The following CTNNA3 variants were observed in gnomAD, a reference collection of about 807,000 sequenced individuals.
CTNNA3 encodes the protein catenin alpha 3.
A neutral mutation model predicts 95.7 loss-of-function variants in CTNNA3; 76 were observed. That is an observed-to-expected ratio of 0.79 (90% CI 0.66 to 0.96). The LOEUF is 0.96. Ranked by LOEUF, CTNNA3 falls within the 40% of genes least tolerant of loss-of-function variation. The pLI is 0.00. For missense variants in CTNNA3, 1,191 were observed against 1,089.8 expected (o/e 1.09, Z -1.31); for synonymous variants, 431 against 374.4 (o/e 1.15, Z -1.74).
intron 9 of CTNNA3, among the ~76,000 whole-genome samples, chr10:66,628,312 G>A (rs1845010158): frequency 6.6e-6 from 1 of 151,996 alleles, no homozygotes; most frequent in African/African-American, 2.4e-5. Flanking sequence ...GTTGGAAGCT[G>A]TGTCCTTTCT....
intron 7 of CTNNA3, among the ~76,000 whole-genome samples, chr10:66,992,339 C>A (rs1851086792): frequency 6.6e-6 from 1 of 151,822 alleles, no homozygotes; most frequent in African/African-American, 2.4e-5. Flanking sequence ...TGTTTATATC[C>A]TTTGCCTATT....
chr10:66,667,912 G>A (rs1394447270), intron 9 of CTNNA3, among the ~76,000 whole-genome samples: 2 of 152,124 alleles, frequency 1.3e-5, no homozygotes, highest in South Asian at 4.2e-4. Context: ...TCCCAGGGTT[G>A]AAGCATATAC....
intron 12 of CTNNA3, among the ~76,000 whole-genome samples, chr10:66,316,474 C>T (rs540300526): frequency 3.9e-5 from 6 of 151,984 alleles, no homozygotes; most frequent in Middle Eastern, 3.4e-3. Context: ...AGCCTATCCC[C>T]GAAACTCAGT....
At position 66,415,502 on chromosome 10, in the gene CTNNA3, C is replaced by G. The variant is rs142642125; in HGVS notation, c.1532-36150G>C. 4.9e-3 allele frequency among the ~76,000 whole-genome samples: 744 copies of G among 152,270 alleles called. 6 individuals are homozygous for G. The highest frequency in any genetic ancestry group is 0.012 in the African/African-American group (495 of 41,554). ...CCCATGGACCCAAGAACCCACTTAC[C>G]TGCTCAGTTCACAGCTGCCACTACT... On this transcript the variant is annotated intron_variant, in intron 11 of 17. Transcript: ENST00000433211.
intron 1 of CTNNA3, among the ~76,000 whole-genome samples, chr10:67,666,359 T>C (rs1271265344): frequency 2.0e-5 from 3 of 152,188 alleles, no homozygotes; most frequent in African/African-American, 7.2e-5. Flanking sequence ...CCCTACTGCA[T>C]TCCTTCCCTA....
chr10:66,805,036 T>G (rs1841585644), intron 7 of CTNNA3, among the ~76,000 whole-genome samples: 1 of 152,210 alleles, frequency 6.6e-6, no homozygotes. Context: ...GATTACATGA[T>G]TAGCTCCCAA....
intron 5 of CTNNA3, among the ~76,000 whole-genome samples, chr10:67,278,677 C>T (rs1839281678): frequency 6.6e-6 from 1 of 152,062 alleles, no homozygotes; most frequent in African/African-American, 2.4e-5. Context: ...TTGACTGCCT[C>T]CTGGATCTAG....
At chr10:66,570,596 T>C (rs991036323) in intron 10 of CTNNA3, among the ~76,000 whole-genome samples, 5 of 151,912 alleles carry the variant, frequency 3.3e-5, no homozygotes, top group Admixed American at 1.3e-4. Context: ...CGACAAAATA[T>C]GAATTTTTAA....
chr10:66,192,230 CG>C (rs1345582410), intron 13 of CTNNA3, among the ~76,000 whole-genome samples: 2 of 152,004 alleles, frequency 1.3e-5, no homozygotes, highest in African/African-American at 4.8e-5. Context: ...CACACTCCCC[CG>C]CCAGCAGAAC....
At chr10:66,518,866 A>C (rs1564507132) in intron 11 of CTNNA3, among the ~76,000 whole-genome samples, 1 of 151,998 alleles carries the variant, frequency 6.6e-6, no homozygotes, top group Non-Finnish European at 1.5e-5. Context: ...ATTCTATAAA[A>C]ATAAAGTAGT....
chr10:67,590,704 G>A (rs760792407), intron 3 of CTNNA3, among the ~76,000 whole-genome samples: 10 of 151,716 alleles, frequency 6.6e-5, no homozygotes, highest in South Asian at 2.1e-4. Context: ...AATTCTTTTC[G>A]GGCCATTTTC....
intron 17 of CTNNA3, among the ~76,000 whole-genome samples, chr10:65,924,499 G>A (rs2077135833): frequency 6.6e-6 from 1 of 152,172 alleles, no homozygotes; most frequent in Non-Finnish European, 1.5e-5. Flanking sequence ...CCCATGCAGA[G>A]CTTCCAGACC....
chr10:67,576,898 G>GC (rs1252051213), intron 3 of CTNNA3, among the ~76,000 whole-genome samples: 1 of 112,638 alleles, frequency 8.9e-6, no homozygotes, highest in East Asian at 4.0e-4. Context: ...CTTTCTTATG[G>GC]TGTCATAGTA....
At chr10:66,832,157 A>C (rs1424179803) in intron 7 of CTNNA3, among the ~76,000 whole-genome samples, 1 of 152,216 alleles carries the variant, frequency 6.6e-6, no homozygotes, top group African/African-American at 2.4e-5. Flanking sequence ...TATTTCTATA[A>C]GTTGGGAAGA....
At chr10:67,126,573 G>A (rs142029709) in intron 7 of CTNNA3, among the ~76,000 whole-genome samples, 80 of 152,242 alleles carry the variant, frequency 5.3e-4, no homozygotes, top group Middle Eastern at 6.8e-3. Flanking sequence ...AAAAGAAAAA[G>A]AATACAAAAT....
At chr10:66,246,160 C>G (rs1256493237) in intron 13 of CTNNA3, among the ~76,000 whole-genome samples, 1 of 152,176 alleles carries the variant, frequency 6.6e-6, no homozygotes, top group African/African-American at 2.4e-5. Flanking sequence ...TGACTTTCCT[C>G]CAAGATCAGA....
At chr10:66,241,671 C>T (rs1244442706) in intron 13 of CTNNA3, among the ~76,000 whole-genome samples, 1 of 133,036 alleles carries the variant, frequency 7.5e-6, no homozygotes, top group African/African-American at 2.8e-5. Flanking sequence ...AGCTACTTAA[C>T]TGGGCAATGA....
At chr10:67,723,762 G>A (rs1841192968) in intron 1 of CTNNA3, among the ~76,000 whole-genome samples, 1 of 152,080 alleles carries the variant, frequency 6.6e-6, no homozygotes, top group South Asian at 2.1e-4. Flanking sequence ...TCTGATTCCA[G>A]TCACGACTGT....
chr10:66,685,055 A>G (rs4520483), intron 9 of CTNNA3, among the ~76,000 whole-genome samples: 7 of 149,638 alleles, frequency 4.7e-5, no homozygotes, highest in Non-Finnish European at 1.5e-5. Context: ...CATTTGCTAC[A>G]TATAAAAATG....
Sources: allele counts gnomAD v4.1 joint callset (sites outside exome capture counted in the v4.1 genomes callset), GRCh38; gene constraint gnomAD v4.1.1; transcripts MANE v1.5; gene names NCBI Gene and HGNC (gene_info 2026-07-23, HGNC 2026-07-21).